PCDHGA10: variants seen among roughly 807,000 people sequenced by gnomAD.
PCDHGA10 encodes the protein protocadherin gamma-A10.
PCDHGA10 carries 42 observed loss-of-function variants against 59.5 expected under a neutral mutation model. That is an observed-to-expected ratio of 0.71 (90% confidence interval 0.55 to 0.91). The LOEUF is 0.91. PCDHGA10 is among the 40% of genes least tolerant of loss of function. The pLI is 0.00. For missense variants in PCDHGA10, 1,111 were observed against 1,198.2 expected, an observed-to-expected ratio of 0.93 and a Z score of 1.07; for synonymous variants, 511 against 517.2, an observed-to-expected ratio of 0.99 and a Z score of 0.16.
Position 141,413,417 on chromosome 5 carries a change from T to C in PCDHGA10, c.242T>C (p.Leu81Pro). 1.1e-5 allele frequency: 18 copies of C among 1,614,086 alleles called. No individual in the cohort carries two copies. Among genetic ancestry groups the C allele is most frequent in the Non-Finnish European group, 1.5e-5 (18 of 1,179,956 alleles). ...VSRGRTQLFS[L>P]NPRSGSLITA... Reference sequence around the variant, plus strand: ...AGAGGTAGGACGCAGCTTTTCTCTCTGAACCCGCGCAGCGGCAGCTTGATC... The same window carrying C: ...AGAGGTAGGACGCAGCTTTTCTCTCCGAACCCGCGCAGCGGCAGCTTGATC... Residue 81 changes from leucine (L) to proline (P), a missense_variant, in exon 1 of 4, where the codon CTG (leucine) becomes CCG (proline). Coordinates refer to ENST00000398610, the MANE Select transcript of PCDHGA10 (RefSeq NM_018913.3).
chr5:141,439,669 A>T (rs983024479), intron 1 of PCDHGA10, among the ~76,000 whole-genome samples: 4 of 152,174 alleles, frequency 2.6e-5, no homozygotes, highest in Non-Finnish European at 5.9e-5. Context: ...ATGGAATGCA[A>T]ATCCAAGAGC....
At chr5:141,444,255 T>G (rs764607115) in intron 1 of PCDHGA10, among the ~76,000 whole-genome samples, 8 of 130,834 alleles carry the variant, frequency 6.1e-5, no homozygotes, top group Non-Finnish European at 1.2e-4. Context: ...CACTGCAACC[T>G]CCGCCTCCCA....
intron 1 of PCDHGA10, among the ~76,000 whole-genome samples, chr5:141,456,179 A>G (rs1161415053): frequency 6.6e-6 from 1 of 151,860 alleles, no homozygotes; most frequent in Non-Finnish European, 1.5e-5. Context: ...TTACAGAATA[A>G]TTTCTTAATA....
intron 1 of PCDHGA10, among the ~76,000 whole-genome samples, chr5:141,435,232 G>A (rs1317217213): frequency 6.6e-6 from 1 of 152,062 alleles, no homozygotes; most frequent in Non-Finnish European, 1.5e-5. Context: ...TCAAAGTTCA[G>A]TAATTCTTTC....
Position 141,491,306 on chromosome 5 carries a change from A to G in PCDHGA10, c.2437-3501A>G. ...CTCATACACCCTCCTGAGCGTTCAGACCTTACCCTTTACCTCATTGTGGCT... is the reference window on the plus strand; with the variant it reads ...CTCATACACCCTCCTGAGCGTTCAGGCCTTACCCTTTACCTCATTGTGGCT... On this transcript the variant is annotated intron_variant, in intron 1 of 3. Coordinates refer to ENST00000398610, the MANE Select transcript of PCDHGA10 (RefSeq NM_018913.3). This position sits in a 1 kb window ranked among gnomAD's most constrained non-coding sequence, Gnocchi z 6.9. 1 of 1,614,032 alleles carries G rather than the reference A, an allele frequency of 6.2e-7. No individual in the cohort carries two copies. The highest frequency in any genetic ancestry group is 2.2e-5 in the East Asian group (1 of 44,872).
intron 1 of PCDHGA10, among the ~76,000 whole-genome samples, chr5:141,467,055 C>CTTT (rs1193465269): frequency 2.2e-5 from 3 of 134,494 alleles, no homozygotes; most frequent in Admixed American, 7.5e-5. Context: ...TCAATGTTTT[C>CTTT]TTTTTTTTTT....
chr5:141,473,238 G>A (rs1265577738), intron 1 of PCDHGA10, among the ~76,000 whole-genome samples: 4 of 152,200 alleles, frequency 2.6e-5, no homozygotes, highest in Admixed American at 6.5e-5. Context: ...ATCCACACAA[G>A]TGAATACATA....
Position 141,431,168 on chromosome 5 carries a change from G to A in PCDHGA10, c.2436+15557G>A, listed in dbSNP as rs779778442. On this transcript the variant is annotated intron_variant, in intron 1 of 3. Coordinates refer to ENST00000398610, the MANE Select transcript of PCDHGA10 (RefSeq NM_018913.3). This position sits in a 1 kb window ranked among gnomAD's most constrained non-coding sequence, Gnocchi z 4.8. Reference sequence around the variant, plus strand: ...CAATGCGCCTTACTTTCGTGAAAGTGAATTAGAAATAAAAATTAGTGAAAA... The same window carrying A: ...CAATGCGCCTTACTTTCGTGAAAGTAAATTAGAAATAAAAATTAGTGAAAA... The A allele has an allele frequency of 9.9e-6, 16 of 1,614,206 alleles. No individual in the cohort carries two copies. The Admixed American group carries it at 1.2e-4, about 12-fold the overall frequency.
chr5:141,423,895 G>T, intron 1 of PCDHGA10: 1 of 1,277,758 alleles, frequency 7.8e-7, no homozygotes, highest in Non-Finnish European at 9.9e-7. Flanking sequence ...ATTTTCTTTT[G>T]ATTTCAAAGG....
Position 141,498,864 on chromosome 5 carries a change from C to T in PCDHGA10, c.2495+3999C>T, listed in dbSNP as rs1370263013. Among the ~76,000 whole-genome samples the T allele has an allele frequency of 2.7e-5, 4 of 149,532 alleles. No homozygotes were observed. The East Asian group carries it at 5.9e-4, about 22-fold the overall frequency. ...AGGGGAATCGCTTGAACCCAGGAGG[C>T]GGAGGTTGCAGTGAGCTGAGATCAC... On this transcript the variant is annotated intron_variant, in intron 2 of 3. Coordinates refer to ENST00000398610, the MANE Select transcript of PCDHGA10 (RefSeq NM_018913.3).
At chr5:141,492,189 G>C (rs2099737936) in intron 1 of PCDHGA10, among the ~76,000 whole-genome samples, 1 of 152,204 alleles carries the variant, frequency 6.6e-6, no homozygotes, top group Non-Finnish European at 1.5e-5. Context: ...GCACCTGTCT[G>C]CGGGACTTAG....
chr5:141,498,119 T>C (rs780741291), intron 2 of PCDHGA10, among the ~76,000 whole-genome samples: 42 of 152,192 alleles, frequency 2.8e-4, no homozygotes, highest in Non-Finnish European at 4.8e-4. Flanking sequence ...AATAGGGATT[T>C]GATTTAGGGA....
chr5:141,456,098 C>T (rs1222639126), intron 1 of PCDHGA10, among the ~76,000 whole-genome samples: 2 of 151,980 alleles, frequency 1.3e-5, no homozygotes, highest in Non-Finnish European at 2.9e-5. Flanking sequence ...GGGATTTCAC[C>T]GTGTTAGCCA....
chr5:141,425,695 T>C (rs1329762653), intron 1 of PCDHGA10, among the ~76,000 whole-genome samples: 1 of 152,232 alleles, frequency 6.6e-6, no homozygotes, highest in Non-Finnish European at 1.5e-5. Context: ...TATCATTTCA[T>C]AGTGGTCAAA....
chr5:141,444,237 T>G (rs1315900009), intron 1 of PCDHGA10, among the ~76,000 whole-genome samples: 1 of 137,132 alleles, frequency 7.3e-6, no homozygotes, highest in Admixed American at 8.0e-5. Flanking sequence ...AATGGCATGC[T>G]CTCGGCTCAC....
At chr5:141,479,855 C>T (rs1330076788) in intron 1 of PCDHGA10, among the ~76,000 whole-genome samples, 2 of 152,128 alleles carry the variant, frequency 1.3e-5, no homozygotes, top group Non-Finnish European at 2.9e-5. Context: ...ACTGCAAGGC[C>T]TTTGCCCTGG....
At position 141,511,227 on chromosome 5, in the gene PCDHGA10, TCTC is replaced by T. The variant is rs2099883680; in HGVS notation, c.*57_*59del. 2 of 1,599,470 alleles carry T rather than the reference TCTC, an allele frequency of 1.3e-6. No homozygotes were observed. Among genetic ancestry groups the T allele is most frequent in the Non-Finnish European group, 1.7e-6 (2 of 1,173,054 alleles). ...CGGCCTCTCCCCAACCAGCCCAGCTTCTCCTTACCTGCACCCAGGCCTCAGAGT... is the reference window on the plus strand; with the variant it reads ...CGGCCTCTCCCCAACCAGCCCAGCTTCTTACCTGCACCCAGGCCTCAGAGT... On this transcript the variant is annotated 3_prime_UTR_variant, in exon 4 of 4. Transcript: ENST00000398610.
At chr5:141,440,428 C>A (rs1001845529) in intron 1 of PCDHGA10, 1 of 152,132 alleles carries the variant, frequency 6.6e-6, no homozygotes, top group Non-Finnish European at 1.5e-5. Context: ...GCCTGGGTGA[C>A]AGAGCAAGGC....
At position 141,486,653 on chromosome 5, in the gene PCDHGA10, C is replaced by A; in HGVS notation, c.2437-8154C>A. 1 of 1,613,968 alleles carries A rather than the reference C, an allele frequency of 6.2e-7. No homozygotes were observed. Among genetic ancestry groups the A allele is most frequent in the Non-Finnish European group, 8.5e-7 (1 of 1,180,034 alleles). On this transcript the variant is annotated intron_variant, in intron 1 of 3. Coordinates refer to ENST00000398610, the MANE Select transcript of PCDHGA10 (RefSeq NM_018913.3). This position sits in a 1 kb window ranked among gnomAD's most constrained non-coding sequence, Gnocchi z 5.0. ...CTTGAATGCGCTTATCTCCTACTCA[C>A]TCCTGGAGCCCAGGAATCGAGATGT... is the stretch of plus-strand genomic sequence containing the variant.
Sources: allele counts gnomAD v4.1 joint callset (sites outside exome capture counted in the v4.1 genomes callset), GRCh38; gene constraint gnomAD v4.1.1; non-coding constraint Gnocchi (gnomAD v3.1); transcripts MANE v1.5; gene names NCBI Gene and HGNC (gene_info 2026-07-23, HGNC 2026-07-21).